The following GNAI2 variants were observed in gnomAD, a reference collection of about 807,000 sequenced individuals.
GNAI2 encodes guanine nucleotide-binding protein G(i) subunit alpha-2.
In GNAI2, 4 loss-of-function variants were observed where a neutral mutation model predicts 36.8. The observed-to-expected ratio is 0.11, with a 90% CI of 0.05 to 0.25. The LOEUF (loss-of-function observed/expected upper bound fraction) is 0.25. GNAI2 is among the 10% of genes least tolerant of loss of function. GNAI2 has a pLI of 1.00. For missense variants in GNAI2, 230 were observed against 481.3 expected (o/e 0.48, Z 4.89); for synonymous variants, 194 against 194.1 (o/e 1.00, Z 0.01).
upstream of GNAI2, among the ~76,000 whole-genome samples, chr3:50,232,461 C>T (rs587695844): frequency 7.9e-5 from 12 of 152,296 alleles, no homozygotes; most frequent in South Asian, 2.3e-3. Flanking sequence ...TATGTATAAC[C>T]GTTAGGCCCA....
intron 7 of GNAI2, 119 bp downstream of exon 7, chr3:50,257,209 G>A (rs1700723397): frequency 2.4e-6 from 2 of 837,322 alleles, no homozygotes; most frequent in Non-Finnish European, 3.8e-6. Context: ...TGGAACACTG[G>A]CAGGGGCTGG....
chr3:50,247,048 C>T, intron 1 of GNAI2: 1 of 922,158 alleles, frequency 1.1e-6, no homozygotes. Flanking sequence ...CCACAGCAGT[C>T]TTCTCTGCAG....
rs115561554 is a variant in GNAI2, at chr3:50,243,202, G to A, written c.118+6749G>A. ...GGTCACTGAGTTGGAGCCAGTCCAG[G>A]TAGCTCTGTACCTTGTCCCACCCCA... On this transcript the variant is annotated intron_variant, in intron 1 of 8. Transcript: ENST00000313601. 8.3e-3 allele frequency among the ~76,000 whole-genome samples: 1,260 copies of A among 152,364 alleles called. 9 individuals are homozygous for A. Among genetic ancestry groups the A allele is most frequent in the Middle Eastern group, 0.017 (5 of 294 alleles).
rs587719095 is a variant in GNAI2, at chr3:50,237,479, G to A, written c.118+1026G>A. 1.7e-3 allele frequency among the ~76,000 whole-genome samples: 257 copies of A among 152,352 alleles called. 1 individual carries two copies. The highest frequency in any genetic ancestry group is 2.7e-3 in the Non-Finnish European group (184 of 68,038). The stretch of plus-strand genomic sequence containing the variant: ...ATTGCTGCCCCTGCGGGTGAGCCCA[G>A]GAGATCTGCTAGTAGGTGCTGGGCT... On this transcript the variant is annotated intron_variant, in intron 1 of 8. Coordinates refer to ENST00000313601, the MANE Select transcript of GNAI2 (RefSeq NM_002070.4).
At chr3:50,245,437 G>A (rs1160668350) in intron 1 of GNAI2, among the ~76,000 whole-genome samples, 1 of 152,346 alleles carries the variant, frequency 6.6e-6, no homozygotes, top group African/African-American at 2.4e-5. Flanking sequence ...CTCCCTCAAG[G>A]GGTACATTTC....
chr3:50,239,175 G>T lies in GNAI2; in HGVS notation c.118+2722G>T, dbSNP rs116402488. Among the ~76,000 whole-genome samples, 6 of 152,180 alleles carry T rather than the reference G, an allele frequency of 3.9e-5. No individual in the cohort carries two copies. In the East Asian group the frequency reaches 9.6e-4, roughly 24 times the overall value. ...GGAAAGGAAGCCAGAGTGTATGTGAGGGGGGAGAGTCTCTGATTTGGGATG... is the reference window on the plus strand; with the variant it reads ...GGAAAGGAAGCCAGAGTGTATGTGATGGGGGAGAGTCTCTGATTTGGGATG... On this transcript the variant is annotated intron_variant, in intron 1 of 8. Transcript: ENST00000313601.
chr3:50,256,417 G>A, intron 5 of GNAI2, 97 bp downstream of exon 5: 1 of 1,165,924 alleles, frequency 8.6e-7, no homozygotes, highest in Non-Finnish European at 1.3e-6. Flanking sequence ...CCCCACTGAG[G>A]TTTTACAAGG....
upstream of GNAI2, among the ~76,000 whole-genome samples, chr3:50,228,677 G>A (rs956836142): frequency 2.0e-5 from 3 of 152,002 alleles, no homozygotes; most frequent in South Asian, 6.2e-4. Context: ...GGCCCCTGCT[G>A]ACCCCTGCCC....
In GNAI2 at chr3:50,252,447, C is replaced by T. The variant is rs138213627; in HGVS notation, c.212C>T (p.Ala71Val). ...YSEEECRQYR[A>V]VVYSNTIQSI... ...GAGGAGGAATGCCGGCAGTACCGGG[C>T]GGTTGTCTACAGCAACACCATCCAG... The change falls in exon 3 of 9, where the codon GCG becomes GTG. Residue 71 changes from alanine (A) to valine (V), a missense_variant. Physicochemically the swap from Ala to Val is moderately conservative, Grantham distance 64. Transcript: ENST00000313601. The surrounding 1 kb of genome is among the most constrained non-coding windows in gnomAD (Gnocchi z 4.1). The T allele has an allele frequency of 8.7e-6, 14 of 1,613,232 alleles. No homozygotes were observed. Among genetic ancestry groups the T allele is most frequent in the Middle Eastern group, 1.6e-4 (1 of 6,062 alleles).
chr3:50,256,683 C>G (rs1553703219), intron 5 of GNAI2, 40 bp from the exon 6 acceptor site: 3 of 1,607,322 alleles, frequency 1.9e-6, no homozygotes. Context: ...AAGCCTCCCC[C>G]AGGCTCCCTT....
chr3:50,252,029 C>T lies in GNAI2; in HGVS notation c.119-71C>T. 1 of 1,449,300 alleles carries T rather than the reference C, an allele frequency of 6.9e-7. No individual in the cohort carries two copies. The highest frequency in any genetic ancestry group is 9.7e-7 in the Non-Finnish European group (1 of 1,034,532). 89.8% of individuals were successfully genotyped at this position (1,449,300 alleles called of 1,614,324 possible). On this transcript the variant is annotated intron_variant, in intron 1 of 8. Transcript: ENST00000313601. This position sits in a 1 kb window ranked among gnomAD's most constrained non-coding sequence, Gnocchi z 4.1. Reference sequence around the variant, plus strand: ...GTTCTGCCTCCTGGGCTACAGGTGTCTGGGCATTTGTTCTGTGCCTGTGGA... The same window carrying T: ...GTTCTGCCTCCTGGGCTACAGGTGTTTGGGCATTTGTTCTGTGCCTGTGGA...
intron 1 of GNAI2, among the ~76,000 whole-genome samples, chr3:50,248,208 A>G (rs1700466577): frequency 6.6e-6 from 1 of 152,202 alleles, no homozygotes; most frequent in Non-Finnish European, 1.5e-5. Flanking sequence ...AGCCAAGATC[A>G]TGCTATTGCA....
rs1378917587 is a variant in GNAI2, at chr3:50,255,604, G to C, written c.465-588G>C. 3.3e-5 allele frequency among the ~76,000 whole-genome samples: 5 copies of C among 152,144 alleles called. No individual in the cohort carries two copies. The highest frequency in any genetic ancestry group is 5.9e-5 in the Non-Finnish European group (4 of 68,022). Reference sequence around the variant, plus strand: ...CTGGATCCTGTCCGAGGCAGGTCTGGCTCAGACCCTGGGTGCTGGAGCTTG... The same window carrying C: ...CTGGATCCTGTCCGAGGCAGGTCTGCCTCAGACCCTGGGTGCTGGAGCTTG... On this transcript the variant is annotated intron_variant, in intron 4 of 8. Coordinates refer to ENST00000313601, the MANE Select transcript of GNAI2 (RefSeq NM_002070.4). The surrounding 1 kb of genome is among the most constrained non-coding windows in gnomAD (Gnocchi z 4.0).
intron 4 of GNAI2, among the ~76,000 whole-genome samples, chr3:50,254,272 G>GATGTGAC: frequency 6.6e-6 from 1 of 152,294 alleles, no homozygotes; most frequent in African/African-American, 2.4e-5. Context: ...GGCTGCAGGG[G>GATGTGAC]ACATCCACAG....
intron 8 of GNAI2, 71 bp downstream of exon 8, chr3:50,257,785 TG>T: frequency 1.1e-5 from 1 of 92,802 alleles, no homozygotes; most frequent in East Asian, 1.7e-4. Context: ...CAGGGGGTTC[TG>T]GGGGTGGGTA....
chr3:50,232,920 A>C (rs1393713714), upstream of GNAI2, among the ~76,000 whole-genome samples: 1 of 150,548 alleles, frequency 6.6e-6, no homozygotes, highest in Non-Finnish European at 1.5e-5. Flanking sequence ...GAGCCTGGGA[A>C]CAGGGGCCAG....
At chr3:50,254,549 A>ACCC (rs35540293) in intron 4 of GNAI2, among the ~76,000 whole-genome samples, 1 of 151,780 alleles carries the variant, frequency 6.6e-6, no homozygotes, top group African/African-American at 2.4e-5. Flanking sequence ...GTGAATATGT[A>ACCC]CCCCCTACAG....
chr3:50,244,175 C>T (rs587680596), intron 1 of GNAI2, among the ~76,000 whole-genome samples: 9 of 152,070 alleles, frequency 5.9e-5, no homozygotes, highest in African/African-American at 1.4e-4. Context: ...ACTACAGGTA[C>T]GTGCCACCAC....
At chr3:50,244,004 C>G (rs1266106757) in intron 1 of GNAI2, among the ~76,000 whole-genome samples, 1 of 148,432 alleles carries the variant, frequency 6.7e-6, no homozygotes. Flanking sequence ...GCCATGTGGT[C>G]ATGGGGGACC....
Sources: allele counts gnomAD v4.1 joint callset (sites outside exome capture counted in the v4.1 genomes callset), GRCh38; gene constraint gnomAD v4.1.1; non-coding constraint Gnocchi (gnomAD v3.1); transcripts MANE v1.5; gene names NCBI Gene and HGNC (gene_info 2026-07-23, HGNC 2026-07-21).